NRXN3: variants seen among roughly 807,000 people sequenced by gnomAD.
NRXN3 encodes the protein neurexin 3, also known as neurexin III.
NRXN3 carries 32 observed loss-of-function variants against 137.6 expected under a neutral mutation model. The ratio of observed to expected loss-of-function variants is 0.23; its 90% CI spans 0.18 to 0.31. The LOEUF is 0.31. Ranked by LOEUF, NRXN3 falls within the 10% of genes least tolerant of loss-of-function variation. The probability of loss-of-function intolerance (pLI) is 1.00; values close to 1 mark genes in which losing one functional copy is unlikely to be tolerated. For missense variants in NRXN3, 1,574 were observed against 2,062.5 expected (o/e 0.76, Z 4.59); for synonymous variants, 798 against 784.5 (o/e 1.02, Z -0.29).
chr14:79,628,572 G>A (rs2098308476), intron 16 of NRXN3, among the ~76,000 whole-genome samples: 1 of 152,168 alleles, frequency 6.6e-6, no homozygotes, highest in South Asian at 2.1e-4. Context: ...TATTGGAAAG[G>A]TGGAGGAGAA....
At chr14:79,662,828 G>A (rs78271880) in intron 16 of NRXN3, among the ~76,000 whole-genome samples, 15,917 of 151,946 alleles carry the variant, frequency 0.1, 937 homozygotes, top group Middle Eastern at 0.23. Context: ...CACGAGAACA[G>A]GACCAAGGGA....
At chr14:79,738,758 C>T (rs1215743426) in intron 19 of NRXN3, among the ~76,000 whole-genome samples, 1 of 152,056 alleles carries the variant, frequency 6.6e-6, no homozygotes, top group African/African-American at 2.4e-5. Flanking sequence ...AGGGTTTCAC[C>T]ATGTTGGTCA....
intron 8 of NRXN3, among the ~76,000 whole-genome samples, chr14:78,796,402 A>G (rs2098821928): frequency 6.6e-6 from 1 of 152,214 alleles, no homozygotes; most frequent in African/African-American, 2.4e-5. Context: ...GAGTGTCACA[A>G]TAAGAGTTTC....
chr14:78,352,038 A>T (rs8013136), intron 4 of NRXN3, among the ~76,000 whole-genome samples: 2,862 of 151,198 alleles, frequency 0.019, 73 homozygotes, highest in East Asian at 0.059. Context: ...CAGTGAACCG[A>T]GATCGCACCA....
intron 15 of NRXN3, among the ~76,000 whole-genome samples, chr14:79,414,781 G>GTC: frequency 6.6e-6 from 1 of 151,984 alleles, no homozygotes; most frequent in East Asian, 1.9e-4. Context: ...ATTAACTGTA[G>GTC]TCTCCATACT....
At chr14:79,106,140 T>G (rs1287249318) in intron 15 of NRXN3, among the ~76,000 whole-genome samples, 1 of 152,126 alleles carries the variant, frequency 6.6e-6, no homozygotes, top group Non-Finnish European at 1.5e-5. Context: ...CCCTTCAGTA[T>G]GGTAGCATAG....
chr14:78,603,659 G>T (rs189588853), intron 4 of NRXN3, among the ~76,000 whole-genome samples: 1 of 152,180 alleles, frequency 6.6e-6, no homozygotes, highest in Non-Finnish European at 1.5e-5. Context: ...TCATTTTACT[G>T]CTTGCTTCTT....
At chr14:78,284,667 CCTAATTGT>C (rs1053675733) in intron 3 of NRXN3, among the ~76,000 whole-genome samples, 3 of 151,988 alleles carry the variant, frequency 2.0e-5, no homozygotes, top group African/African-American at 7.3e-5. Context: ...TCTTGGTCTC[CCTAATTGT>C]CTTGAGGCAT....
At chr14:79,722,902 A>G (rs1466753040) in intron 19 of NRXN3, among the ~76,000 whole-genome samples, 1 of 152,166 alleles carries the variant, frequency 6.6e-6, no homozygotes, top group Non-Finnish European at 1.5e-5. Flanking sequence ...TACCTACAAC[A>G]TAAGAAATTA....
chr14:79,373,485 C>G (rs567914822), intron 15 of NRXN3, among the ~76,000 whole-genome samples: 2 of 152,068 alleles, frequency 1.3e-5, no homozygotes, highest in African/African-American at 2.4e-5. Context: ...TTCCGGAAAG[C>G]GATTTAGTTT....
chr14:79,264,175 G>A (rs983751640), intron 15 of NRXN3, among the ~76,000 whole-genome samples: 4 of 151,976 alleles, frequency 2.6e-5, no homozygotes, highest in African/African-American at 7.3e-5. Context: ...TGCAACTTCC[G>A]CCTCCCAGGT....
chr14:79,617,917 C>CAA lies in NRXN3; in HGVS notation c.3445-45847_3445-45846dup, dbSNP rs1162153685. ...TTCAGAGATAGGAGCTGAATAGCAG[C>CAA]AAAAAAAAAAAAAAACATGCTTATG... On this transcript the variant is annotated intron_variant, in intron 16 of 20. Transcript: ENST00000335750. Among the ~76,000 whole-genome samples the CAA allele has an allele frequency of 1.3e-3, 123 of 91,318 alleles. 11 individuals are homozygous for CAA. The highest frequency in any genetic ancestry group is 6.3e-3 in the African/African-American group (109 of 17,250). 59.9% of individuals were successfully genotyped at this position (91,318 alleles called of 152,430 possible).
intron 15 of NRXN3, among the ~76,000 whole-genome samples, chr14:79,388,428 C>G (rs534057220): frequency 1.3e-5 from 2 of 151,672 alleles, no homozygotes; most frequent in Admixed American, 6.6e-5. Flanking sequence ...ATGATTTGTG[C>G]GTATGTCTTG....
At chr14:79,020,424 C>T (rs2099587616) in intron 15 of NRXN3, among the ~76,000 whole-genome samples, 1 of 136,092 alleles carries the variant, frequency 7.3e-6, no homozygotes, top group African/African-American at 2.8e-5. Context: ...TGCCACCACG[C>T]CTGGCTATTT....
intron 15 of NRXN3, among the ~76,000 whole-genome samples, chr14:79,439,489 G>C (rs2095897373): frequency 6.6e-6 from 1 of 152,138 alleles, no homozygotes; most frequent in South Asian, 2.1e-4. Flanking sequence ...CCAGAGACAA[G>C]ACCATTTTTT....
intron 15 of NRXN3, among the ~76,000 whole-genome samples, chr14:79,282,729 G>A (rs2081483855): frequency 6.6e-6 from 1 of 152,136 alleles, no homozygotes; most frequent in Non-Finnish European, 1.5e-5. Flanking sequence ...ACTCACCAGA[G>A]CTGTAGAGTA....
chr14:79,173,743 A>G (rs1311767487), intron 15 of NRXN3, among the ~76,000 whole-genome samples: 3 of 152,096 alleles, frequency 2.0e-5, no homozygotes, highest in Admixed American at 6.5e-5. Flanking sequence ...GACCTCATAC[A>G]ATGACTCCAT....
chr14:78,998,785 G>A (rs900260454), intron 15 of NRXN3, among the ~76,000 whole-genome samples: 7 of 126,076 alleles, frequency 5.6e-5, no homozygotes, highest in Admixed American at 3.3e-4. Context: ...TTTTTTTTCA[G>A]TAGAGACGGG....
intron 10 of NRXN3, among the ~76,000 whole-genome samples, chr14:78,810,588 G>A (rs1361494291): frequency 6.6e-6 from 1 of 151,996 alleles, no homozygotes. Context: ...TGCTCTATAT[G>A]AAGAAAAGAA....
Sources: allele counts gnomAD v4.1 joint callset (sites outside exome capture counted in the v4.1 genomes callset), GRCh38; gene constraint gnomAD v4.1.1; transcripts MANE v1.5; gene names NCBI Gene and HGNC (gene_info 2026-07-23, HGNC 2026-07-21).